Variants in VPS26A observed in about 807,000 individuals in gnomAD.
The protein encoded by VPS26A is VPS26 retromer complex component A.
A neutral mutation model predicts 42.4 loss-of-function variants in VPS26A; 22 were observed. The ratio of observed to expected loss-of-function variants is 0.52; its 90% confidence interval spans 0.37 to 0.74. The LOEUF (loss-of-function observed/expected upper bound fraction) is 0.74. Among genes scored for constraint, VPS26A ranks in the 30% least tolerant of loss-of-function variants. The pLI is 0.00. For missense variants in VPS26A, 276 were observed against 379.2 expected (o/e 0.73, Z 2.26); for synonymous variants, 110 against 123.5 (o/e 0.89, Z 0.73).
intron 2 of VPS26A, chr10:69,133,485 T>C (rs1463982983): frequency 9.4e-7 from 1 of 1,068,178 alleles, no homozygotes; most frequent in East Asian, 6.1e-5. Flanking sequence ...TCTTTGTAAC[T>C]TACCTCTCTG....
intron 6 of VPS26A, among the ~76,000 whole-genome samples, chr10:69,163,995 C>G (rs1460019813): frequency 6.6e-6 from 1 of 151,714 alleles, no homozygotes; most frequent in African/African-American, 2.4e-5. Context: ...TCTCGATCTC[C>G]TGACCTCGTG....
At chr10:69,140,299 C>G (rs573272207) in intron 2 of VPS26A, among the ~76,000 whole-genome samples, 1 of 152,104 alleles carries the variant, frequency 6.6e-6, no homozygotes, top group Non-Finnish European at 1.5e-5. Flanking sequence ...GTCTCAAACT[C>G]CTGAGCTCAA....
chr10:69,154,707 A>T (rs1481342712), intron 2 of VPS26A, among the ~76,000 whole-genome samples: 3 of 151,996 alleles, frequency 2.0e-5, no homozygotes, highest in African/African-American at 4.8e-5. Context: ...TACAAAAAAA[A>T]TTTTTTTAAT....
chr10:69,145,210 T>C (rs903147577), intron 2 of VPS26A, among the ~76,000 whole-genome samples: 1 of 152,072 alleles, frequency 6.6e-6, no homozygotes, highest in African/African-American at 2.4e-5. Context: ...AATTTTTATA[T>C]TTTTAGTAGA....
chr10:69,130,525 T>TTG (rs1840751995), intron 1 of VPS26A, among the ~76,000 whole-genome samples: 1 of 152,202 alleles, frequency 6.6e-6, no homozygotes. Flanking sequence ...AGAGAATACA[T>TTG]TGTGTGTGTG....
chr10:69,171,235 A>AATC lies in VPS26A; in HGVS notation c.952_954dup (p.Ser318dup). On this transcript the variant is annotated inframe_insertion, in exon 9 of 9. Transcript: ENST00000263559. ...TTTCACCAGCGATTTGAATCTCCAGAATCACAGGCATCTGCCGAACAGCCT... is the reference window on the plus strand; with the variant it reads ...TTTCACCAGCGATTTGAATCTCCAGAATCATCACAGGCATCTGCCGAACAGCCT... 6.2e-7 allele frequency: 1 copy of AATC among 1,613,942 alleles called. No individual in the cohort carries two copies. The highest frequency in any genetic ancestry group is 8.5e-7 in the Non-Finnish European group (1 of 1,179,952).
intron 6 of VPS26A, among the ~76,000 whole-genome samples, chr10:69,162,774 GTA>G (rs1312561903): frequency 1.3e-5 from 2 of 152,044 alleles, no homozygotes; most frequent in East Asian, 3.8e-4. Flanking sequence ...ACAGTAAAAA[GTA>G]TCTTATTTCT....
intron 2 of VPS26A, among the ~76,000 whole-genome samples, chr10:69,151,282 A>AAAAAAAAAAAAAAAAAC (rs71035063): frequency 1.8e-4 from 25 of 136,806 alleles, no homozygotes; most frequent in African/African-American, 7.6e-4. Flanking sequence ...AAAAAAAAAA[A>AAAAAAAAAAAAAAAAAC]ACACACACAC....
chr10:69,143,509 T>TG (rs1841088421), intron 2 of VPS26A, among the ~76,000 whole-genome samples: 1 of 152,192 alleles, frequency 6.6e-6, no homozygotes. Flanking sequence ...ATTCTGCTGT[T>TG]CTGTTAACAG....
rs989857236 is a variant in VPS26A at position 69,150,693 on chromosome 10, G to A, written c.154-5119G>A. On this transcript the variant is annotated intron_variant, in intron 2 of 8. Coordinates refer to ENST00000263559, the MANE Select transcript of VPS26A (RefSeq NM_004896.5). ...ATTACAGGCGTGAGCCACCGCGCCC[G>A]GCAGAGAATGTCTGTTTTCTTAGGA... Among the ~76,000 whole-genome samples, 6 of 152,010 alleles carry A rather than the reference G, an allele frequency of 3.9e-5. No homozygotes were observed. In the East Asian group the frequency reaches 7.7e-4, roughly 20 times the overall value.
Position 69,137,862 on chromosome 10 carries a change from G to GATATATATATATATATATATATAT in VPS26A, c.153+4835_153+4836insATATATATATATATATATATATAT, listed in dbSNP as rs745881334. On this transcript the variant is annotated intron_variant, in intron 2 of 8. Coordinates refer to ENST00000263559, the MANE Select transcript of VPS26A (RefSeq NM_004896.5). ...TTTTTCTTTTTTTAAGCTGTATTGA[G>GATATATATATATATATATATATAT]ATATATATATATATATATATTCGCC... is the stretch of plus-strand genomic sequence containing the variant. Among the ~76,000 whole-genome samples, 144 of 144,788 alleles carry GATATATATATATATATATATATAT rather than the reference G, an allele frequency of 9.9e-4. 3 individuals are homozygous for GATATATATATATATATATATATAT. The highest frequency in any genetic ancestry group is 3.6e-3 in the African/African-American group (133 of 36,766). The allele number at this position is 144,788 out of a possible 152,430, so 95.0% of individuals were successfully genotyped here.
chr10:69,162,756 AAG>A (rs1355494135), intron 6 of VPS26A, among the ~76,000 whole-genome samples: 1 of 152,168 alleles, frequency 6.6e-6, no homozygotes, highest in African/African-American at 2.4e-5. Context: ...TAAAATGTAA[AAG>A]AGTATACAGT....
chr10:69,138,015 T>C (rs1840957809), intron 2 of VPS26A, among the ~76,000 whole-genome samples: 1 of 152,140 alleles, frequency 6.6e-6, no homozygotes, highest in South Asian at 2.1e-4. Context: ...CCATTAGCAG[T>C]CATTCTCCAT....
intron 6 of VPS26A, among the ~76,000 whole-genome samples, chr10:69,163,916 C>G (rs1841621216): frequency 6.6e-6 from 1 of 151,416 alleles, no homozygotes; most frequent in Non-Finnish European, 1.5e-5. Flanking sequence ...CAGGCGCCCA[C>G]CATCACGCCC....
intron 2 of VPS26A, among the ~76,000 whole-genome samples, chr10:69,146,092 T>TATTC (rs943459037): frequency 1.1e-4 from 16 of 152,284 alleles, no homozygotes; most frequent in East Asian, 1.9e-4. Context: ...TTCAATCACT[T>TATTC]ATTCATTCAT....
rs539787179 is a variant in VPS26A at position 69,167,800 on chromosome 10, G to T, written c.728-689G>T. Reference sequence around the variant, plus strand: ...AAGAATTACCCTTAGGAAAATAGAAGCAATGAGAATCTGAATAACAGTCTT... The same window carrying T: ...AAGAATTACCCTTAGGAAAATAGAATCAATGAGAATCTGAATAACAGTCTT... On this transcript the variant is annotated intron_variant, in intron 7 of 8. Transcript: ENST00000263559. Among the ~76,000 whole-genome samples the T allele has an allele frequency of 2.0e-5, 3 of 146,592 alleles. No individual in the cohort carries two copies. In the South Asian group the frequency reaches 6.5e-4, roughly 32 times the overall value.
chr10:69,141,927 A>G, intron 2 of VPS26A, among the ~76,000 whole-genome samples: 1 of 152,024 alleles, frequency 6.6e-6, no homozygotes, highest in East Asian at 1.9e-4. Context: ...CTCTGTTGCC[A>G]GCCTGGAGTG....
chr10:69,132,599 C>A (rs959570812), intron 1 of VPS26A, among the ~76,000 whole-genome samples: 1 of 151,976 alleles, frequency 6.6e-6, no homozygotes, highest in Non-Finnish European at 1.5e-5. Context: ...CATGCCACCA[C>A]GCCCGGCTAA....
At chr10:69,165,837 TTGGGAGGC>T (rs11277829) in intron 6 of VPS26A, among the ~76,000 whole-genome samples, 197 bp from the exon 7 acceptor site, 70,611 of 151,226 alleles carry the variant, frequency 0.47, 18,740 homozygotes, top group Middle Eastern at 0.71. Context: ...TCTCAGCTAC[TTGGGAGGC>T]TGAGGCAGAA....
Sources: gnomAD v4.1 joint callset for allele counts (sites outside exome capture counted in the v4.1 genomes callset) on GRCh38, gnomAD v4.1.1 for gene constraint, MANE v1.5 for transcripts, NCBI Gene and HGNC (gene_info 2026-07-23, HGNC 2026-07-21) for gene names.